The following MROH1 variants were observed in gnomAD, a reference collection of about 807,000 sequenced individuals.
MROH1 encodes maestro heat like repeat family member 1, also known as maestro heat-like repeat-containing protein family member 1.
MROH1 carries 117 observed loss-of-function variants against 116.5 expected under a neutral mutation model. The ratio of observed to expected loss-of-function variants is 1.00; its 90% CI spans 0.86 to 1.17. The LOEUF (loss-of-function observed/expected upper bound fraction) is 1.17, where lower values mean the gene tolerates loss of function less well. MROH1 is among the 50% of genes most tolerant of loss of function. MROH1 has a pLI of 0.00. For missense variants in MROH1, 1,873 were observed against 1,338.5 expected (o/e 1.40, Z -6.23); for synonymous variants, 921 against 583.9 (o/e 1.58, Z -8.32).
intron 4 of MROH1, among the ~76,000 whole-genome samples, chr8:144,177,359 C>T (rs191006744): frequency 6.6e-6 from 1 of 152,216 alleles, no homozygotes; most frequent in Non-Finnish European, 1.5e-5. Flanking sequence ...GGGCCAAGTG[C>T]GTGTCAAGTG....
intron 31 of MROH1, 46 bp downstream of exon 31, chr8:144,247,725 T>C (rs1842140791): frequency 2.8e-6 from 2 of 718,578 alleles, no homozygotes; most frequent in Non-Finnish European, 5.1e-6. Flanking sequence ...TGGCACTGTC[T>C]GGGGCTAACA....
Position 144,241,491 on chromosome 8 carries a change from T to C in MROH1, c.2152T>C (p.Ser718Pro). 1 of 778,586 alleles carries C rather than the reference T, an allele frequency of 1.3e-6. No homozygotes were observed. Among genetic ancestry groups the C allele is most frequent in the Admixed American group, 1.7e-5 (1 of 59,030 alleles). 48.2% of individuals were successfully genotyped at this position (778,586 alleles called of 1,614,324 possible). The change falls in exon 22 of 44, where the codon TCC becomes CCC. Residue 718 changes from serine to proline, a missense_variant. Coordinates refer to ENST00000326134, the MANE Select transcript of MROH1 (RefSeq NM_032450.3). Reference protein sequence around the residue: ...DFVRSEVFRKSIGILNIFKDR... With the variant: ...DFVRSEVFRKPIGILNIFKDR... ...CGTGAGGTCAGAGGTCTTCAGAAAA[T>C]CCATTGGCATTCTCAACATTTTTAA...
At chr8:144,174,783 C>G in intron 4 of MROH1, 1 of 972,004 alleles carries the variant, frequency 1.0e-6, no homozygotes, top group Non-Finnish European at 1.2e-6. Context: ...GTGGCTGGCC[C>G]TATCCATTTT....
intron 1 of MROH1, among the ~76,000 whole-genome samples, chr8:144,156,241 GAAAAAA>G (rs1218482716): frequency 8.5e-5 from 5 of 58,502 alleles, no homozygotes; most frequent in Admixed American, 4.2e-4. Flanking sequence ...CCGTCTCAAA[GAAAAAA>G]AAAAAAAAAA....
At chr8:144,229,500 C>T (rs1311971155) in intron 14 of MROH1, among the ~76,000 whole-genome samples, 1 of 151,602 alleles carries the variant, frequency 6.6e-6, no homozygotes, top group African/African-American at 2.4e-5. Flanking sequence ...CCACCTCACC[C>T]TCCTGAGTAG....
chr8:144,249,513 C>T (rs1485097920), intron 32 of MROH1, among the ~76,000 whole-genome samples: 1 of 152,110 alleles, frequency 6.6e-6, no homozygotes, highest in Non-Finnish European at 1.5e-5. Flanking sequence ...AGGAGACTCC[C>T]AGGCCAATAC....
At chr8:144,193,105 TG>T (rs1829045130) in intron 10 of MROH1, 1 of 167,812 alleles carries the variant, frequency 6.0e-6, no homozygotes, top group Non-Finnish European at 1.3e-5. Flanking sequence ...CTCCACCGCC[TG>T]GATGGTCCTG....
intron 14 of MROH1, among the ~76,000 whole-genome samples, chr8:144,229,351 A>G (rs1410118577): frequency 2.0e-5 from 3 of 149,220 alleles, no homozygotes; most frequent in African/African-American, 7.4e-5. Flanking sequence ...ATCACTGTCT[A>G]TGGCAGCAAT....
rs372738008 is a variant in MROH1 at position 144,166,375 on chromosome 8, C to T, written c.23-1920C>T. Among the ~76,000 whole-genome samples, 25 of 152,262 alleles carry T rather than the reference C, an allele frequency of 1.6e-4. No homozygotes were observed. The South Asian group carries it at 1.7e-3, about 10-fold the overall frequency. On this transcript the variant is annotated intron_variant, in intron 3 of 43. Coordinates refer to ENST00000326134, the MANE Select transcript of MROH1 (RefSeq NM_032450.3). ...GAGGCTCAGTTCAGCCTGCTCGGAG[C>T]GGGAGGCTCCCTGGGTGGCCGAGCC... is the stretch of plus-strand genomic sequence containing the variant.
intron 35 of MROH1, 111 bp downstream of exon 35, chr8:144,255,816 G>A: frequency 1.5e-6 from 1 of 649,190 alleles, no homozygotes; most frequent in Admixed American, 2.2e-5. Context: ...GAGTGTGGGA[G>A]TGACTTTGCT....
At position 144,180,093 on chromosome 8, in the gene MROH1, G is replaced by T; in HGVS notation, c.301-85G>T. The T allele has an allele frequency of 6.5e-7, 1 of 1,531,838 alleles. No homozygotes were observed. The highest frequency in any genetic ancestry group is 8.9e-7 in the Non-Finnish European group (1 of 1,117,842). The allele number at this position is 1,531,838 out of a possible 1,614,324, so 94.9% of individuals were successfully genotyped here. ...ACTTTCTGGGGACGCTGAAAACAGC[G>T]TGCGCTTGTCCAAGGCTGGCAGCGA... On this transcript the variant is annotated intron_variant, in intron 5 of 43. Coordinates refer to ENST00000326134, the MANE Select transcript of MROH1 (RefSeq NM_032450.3). This position sits in a 1 kb window ranked among gnomAD's most constrained non-coding sequence, Gnocchi z 7.4.
chr8:144,209,644 C>T (rs560208431), intron 12 of MROH1, among the ~76,000 whole-genome samples: 9 of 151,260 alleles, frequency 6.0e-5, no homozygotes, highest in African/African-American at 1.7e-4. Flanking sequence ...CACAGTGGCT[C>T]ACACCTGTAA....
At chr8:144,185,252 GCCCT>G (rs1368785298) in intron 7 of MROH1, among the ~76,000 whole-genome samples, 2 of 152,126 alleles carry the variant, frequency 1.3e-5, no homozygotes, top group Non-Finnish European at 2.9e-5. Context: ...TGGGAGCTGA[GCCCT>G]CCCATCTCAC....
In MROH1 at chr8:144,239,660, C is replaced by T. The variant is rs1349564620; in HGVS notation, c.1679C>T (p.Ala560Val). 15 of 764,186 alleles carry T rather than the reference C, an allele frequency of 2.0e-5. No individual in the cohort carries two copies. Among genetic ancestry groups the T allele is most frequent in the Middle Eastern group, 2.3e-4 (1 of 4,432 alleles). 47.3% of individuals were successfully genotyped at this position (764,186 alleles called of 1,614,324 possible). ...CTAGGGGACGGACGTGGGGCAGCGG[C>T]GCTGCGCCTCCTCAGTGTTCTGCAC... Reference protein sequence around the residue: ...PYLGDGRGAAALRLLSVLHPN... With the variant: ...PYLGDGRGAAVLRLLSVLHPN... The change falls in exon 18 of 44, where the codon GCG becomes GTG. Residue 560 changes from alanine to valine, a missense_variant. Transcript: ENST00000326134.
At chr8:144,255,242 C>T (rs1843507847) in intron 34 of MROH1, among the ~76,000 whole-genome samples, 1 of 152,240 alleles carries the variant, frequency 6.6e-6, no homozygotes, top group Non-Finnish European at 1.5e-5. Flanking sequence ...TGTGAGAATT[C>T]CCTCCTCCTC....
intron 7 of MROH1, among the ~76,000 whole-genome samples, chr8:144,186,609 C>T: frequency 6.6e-6 from 1 of 152,204 alleles, no homozygotes; most frequent in East Asian, 1.9e-4. Flanking sequence ...CCTATCACCT[C>T]ACATACCCCG....
chr8:144,169,545 G>A (rs1465957840), intron 4 of MROH1, among the ~76,000 whole-genome samples: 13 of 150,962 alleles, frequency 8.6e-5, no homozygotes, highest in East Asian at 1.9e-4. Context: ...TCCACCTCCC[G>A]GGTTCAAGCG....
At chr8:144,158,091 C>T (rs1287845079) in intron 1 of MROH1, among the ~76,000 whole-genome samples, 1 of 147,938 alleles carries the variant, frequency 6.8e-6, no homozygotes, top group African/African-American at 2.5e-5. Flanking sequence ...CCCCTGGGTT[C>T]AAGCAATTCT....
rs1156706176 is a variant in MROH1, at chr8:144,241,395, G to A, written c.2056G>A (p.Gly686Ser). Residue 686 changes from glycine (G) to serine (S), a missense_variant and splice_region_variant, in exon 22 of 44, where the codon GGC (glycine) becomes AGC (serine). Physicochemically the swap from Gly to Ser is moderately conservative, Grantham distance 56 (BLOSUM62 0). Coordinates refer to ENST00000326134, the MANE Select transcript of MROH1 (RefSeq NM_032450.3). ...CCGGGGTAAGTGTGCTGCCCCCCAG[G>A]GCCTCGCCTGCTGCTTCGGGATCTG... Reference protein sequence around the residue: ...ARYQEEAEREGLACCFGICAI... With the variant: ...ARYQEEAERESLACCFGICAI... 2.6e-6 allele frequency: 2 copies of A among 775,492 alleles called. No homozygotes were observed. The highest frequency in any genetic ancestry group is 3.4e-5 in the Admixed American group (2 of 58,102). The allele number at this position is 775,492 out of a possible 1,614,324, so 48.0% of individuals were successfully genotyped here.
Sources: allele counts gnomAD v4.1 joint callset (sites outside exome capture counted in the v4.1 genomes callset), GRCh38; gene constraint gnomAD v4.1.1; non-coding constraint Gnocchi (gnomAD v3.1); transcripts MANE v1.5; gene names NCBI Gene and HGNC (gene_info 2026-07-23, HGNC 2026-07-21).